PIK3C2G: variants seen among roughly 807,000 people sequenced by gnomAD.
PIK3C2G encodes phosphatidylinositol 3-kinase C2 domain-containing subunit gamma.
In PIK3C2G, 168 loss-of-function variants were observed where a neutral mutation model predicts 181.1. That is an observed-to-expected ratio of 0.93 (90% CI 0.82 to 1.05). The LOEUF is 1.05. Among genes scored for constraint, PIK3C2G ranks in the 50% least tolerant of loss-of-function variants. The pLI, the probability that PIK3C2G is intolerant of heterozygous loss-of-function variation, is 0.00. For missense variants in PIK3C2G, 1,869 were observed against 1,732.8 expected (o/e 1.08, Z -1.40); for synonymous variants, 573 against 592.2 (o/e 0.97, Z 0.47).
chr12:18,403,329 A>T (rs1944356240), intron 16 of PIK3C2G, among the ~76,000 whole-genome samples: 1 of 152,158 alleles, frequency 6.6e-6, no homozygotes, highest in African/African-American at 2.4e-5. Flanking sequence ...TGCACCAAAT[A>T]AGGTCACTGC....
chr12:18,357,304 T>G lies in PIK3C2G; in HGVS notation c.1626-5460T>G, dbSNP rs535818869. Reference sequence around the variant, plus strand: ...AGTTTTGTCAGGAGGTGTGGGTGTGTGTGTGTGTGTTTAATGTTGGAAAGC... The same window carrying G: ...AGTTTTGTCAGGAGGTGTGGGTGTGGGTGTGTGTGTTTAATGTTGGAAAGC... On this transcript the variant is annotated intron_variant, in intron 11 of 32. Transcript: ENST00000538779. Among the ~76,000 whole-genome samples, 12 of 152,214 alleles carry G rather than the reference T, an allele frequency of 7.9e-5. No individual in the cohort carries two copies. In the South Asian group the frequency reaches 2.5e-3, roughly 32 times the overall value.
intron 18 of PIK3C2G, among the ~76,000 whole-genome samples, chr12:18,454,748 C>G (rs1353707957): frequency 6.6e-6 from 1 of 152,098 alleles, no homozygotes; most frequent in African/African-American, 2.4e-5. Context: ...TATTCTACTT[C>G]TGAATTTTAG....
At chr12:18,497,037 C>A (rs1164650273) in intron 21 of PIK3C2G, among the ~76,000 whole-genome samples, 1 of 152,148 alleles carries the variant, frequency 6.6e-6, no homozygotes. Flanking sequence ...ATCTCCTTAA[C>A]CAATACATGA....
At chr12:18,700,325 C>A in the PIK3C2G span, among the ~76,000 whole-genome samples, 5 of 151,636 alleles carry the variant, frequency 3.3e-5, no homozygotes, top group Admixed American at 6.6e-5. Context: ...ATTTCACAAC[C>A]TGGCATCTAT....
rs191476231 is a variant in PIK3C2G, at chr12:18,509,624, A to C, written c.3323+4163A>C. Among the ~76,000 whole-genome samples, 9 of 152,332 alleles carry C rather than the reference A, an allele frequency of 5.9e-5. No homozygotes were observed. In the South Asian group the frequency reaches 1.7e-3, roughly 28 times the overall value. ...AATCTATGCTCAGGTGTCCCTGAAC[A>C]ATTCCTCTGAATTCAGTTCTCCAGG... On this transcript the variant is annotated intron_variant, in intron 24 of 32. Coordinates refer to ENST00000538779, the MANE Select transcript of PIK3C2G (RefSeq NM_001288772.2).
intron 18 of PIK3C2G, among the ~76,000 whole-genome samples, chr12:18,430,687 C>G (rs1946105398): frequency 6.6e-6 from 1 of 152,076 alleles, no homozygotes; most frequent in Admixed American, 6.6e-5. Flanking sequence ...GGAGATTGAC[C>G]TGATCAGAAA....
chr12:18,588,787 A>C (rs1341628086), intron 29 of PIK3C2G, among the ~76,000 whole-genome samples: 1 of 152,084 alleles, frequency 6.6e-6, no homozygotes, highest in Non-Finnish European at 1.5e-5. Flanking sequence ...AAAGACACAT[A>C]CACGTGTAGG....
intron 26 of PIK3C2G, among the ~76,000 whole-genome samples, chr12:18,547,405 T>C (rs1944490230): frequency 6.6e-6 from 1 of 151,892 alleles, no homozygotes; most frequent in Non-Finnish European, 1.5e-5. Flanking sequence ...GCTGCCCTTG[T>C]TGTTGAAAAG....
chr12:18,442,082 C>T (rs1413907479), intron 18 of PIK3C2G, among the ~76,000 whole-genome samples: 1 of 152,060 alleles, frequency 6.6e-6, no homozygotes, highest in Non-Finnish European at 1.5e-5. Flanking sequence ...ATATTAGCAG[C>T]ATTTATGATC....
Position 18,362,865 on chromosome 12 carries a change from T to TC in PIK3C2G, c.1728dup (p.Val578GlyfsTer5). On this transcript the variant is annotated frameshift_variant, in exon 12 of 33. Coordinates refer to ENST00000538779, the MANE Select transcript of PIK3C2G (RefSeq NM_001288772.2). LOFTEE classifies it high-confidence loss of function. ...ATTCCAGACAAGAAATTATTTTTTT[T>TC]CTTGGTCAACTGGAATGAAACGTAA... 1 of 1,513,128 alleles carries TC rather than the reference T, an allele frequency of 6.6e-7. No homozygotes were observed. The highest frequency in any genetic ancestry group is 8.8e-7 in the Non-Finnish European group (1 of 1,134,988). The allele number at this position is 1,513,128 out of a possible 1,614,324, so 93.7% of individuals were successfully genotyped here.
the PIK3C2G span, among the ~76,000 whole-genome samples, chr12:18,724,188 G>A: frequency 6.6e-6 from 1 of 152,116 alleles, no homozygotes; most frequent in African/African-American, 2.4e-5. Context: ...ATTTCCAATT[G>A]GAAGAGTTAG....
chr12:18,467,509 T>C (rs563456727), intron 18 of PIK3C2G, among the ~76,000 whole-genome samples: 1 of 151,924 alleles, frequency 6.6e-6, no homozygotes, highest in African/African-American at 2.4e-5. Context: ...CAGACACTTT[T>C]CAACTATGTA....
chr12:18,357,987 C>A (rs1429532466), intron 11 of PIK3C2G, among the ~76,000 whole-genome samples: 1 of 152,168 alleles, frequency 6.6e-6, no homozygotes, highest in Non-Finnish European at 1.5e-5. Flanking sequence ...TTTTCTTCAT[C>A]TATTCACCCA....
intron 13 of PIK3C2G, among the ~76,000 whole-genome samples, chr12:18,371,930 T>G (rs2137882267): frequency 6.6e-6 from 1 of 152,250 alleles, no homozygotes; most frequent in Non-Finnish European, 1.5e-5. Context: ...AAATCAACCA[T>G]TTTTCACACG....
chr12:18,593,368 T>C (rs1010301805), intron 29 of PIK3C2G, among the ~76,000 whole-genome samples: 1 of 151,976 alleles, frequency 6.6e-6, no homozygotes, highest in African/African-American at 2.4e-5. Context: ...GTAGATTTTA[T>C]GGCAGGAAGT....
At chr12:18,470,339 C>G (rs188231636) in intron 18 of PIK3C2G, among the ~76,000 whole-genome samples, 1 of 152,020 alleles carries the variant, frequency 6.6e-6, no homozygotes, top group Non-Finnish European at 1.5e-5. Flanking sequence ...GGTAGGAAGA[C>G]GCAGGGTCCA....
chr12:18,503,760 A>G (rs532610309), intron 23 of PIK3C2G, among the ~76,000 whole-genome samples: 76 of 152,296 alleles, frequency 5.0e-4, no homozygotes, highest in African/African-American at 1.7e-3. Flanking sequence ...TCTTTGCAAT[A>G]CATTTCTTCT....
chr12:18,566,868 G>T, intron 28 of PIK3C2G, 81 bp from the exon 29 acceptor site: 1 of 768,388 alleles, frequency 1.3e-6, no homozygotes, highest in Non-Finnish European at 2.3e-6. Flanking sequence ...ATCTGATACA[G>T]CTGTAACTAC....
At chr12:18,594,190 G>T (rs779954384) in intron 29 of PIK3C2G, among the ~76,000 whole-genome samples, 3 of 151,856 alleles carry the variant, frequency 2.0e-5, no homozygotes, top group Admixed American at 6.6e-5. Flanking sequence ...GATGTGAAAT[G>T]CATGCATATT....
Sources: allele counts gnomAD v4.1 joint callset (sites outside exome capture counted in the v4.1 genomes callset), GRCh38; gene constraint gnomAD v4.1.1; transcripts MANE v1.5; gene names NCBI Gene and HGNC (gene_info 2026-07-23, HGNC 2026-07-21).